GRAMD1B: variants seen among roughly 807,000 people sequenced by gnomAD.
GRAMD1B encodes the protein protein Aster-B.
A neutral mutation model predicts 99.7 loss-of-function variants in GRAMD1B; 37 were observed. The observed-to-expected ratio is 0.37, with a 90% confidence interval of 0.29 to 0.49. The LOEUF (loss-of-function observed/expected upper bound fraction) is 0.49. Among genes scored for constraint, GRAMD1B ranks in the 20% least tolerant of loss-of-function variants. The probability of loss-of-function intolerance (pLI) is 0.98; values close to 1 mark genes in which losing one functional copy is unlikely to be tolerated. For synonymous variants in GRAMD1B, 427 were observed against 387.6 expected (o/e 1.10, Z -1.19); for missense variants, 888 against 1,009.2 (o/e 0.88, Z 1.63).
chr11:123,568,504 G>A (rs934845951), intron 2 of GRAMD1B, among the ~76,000 whole-genome samples: 10 of 152,248 alleles, frequency 6.6e-5, no homozygotes, highest in African/African-American at 2.2e-4. Flanking sequence ...TTTCCCAAAC[G>A]GAGGAGAGGG....
chr11:123,523,420 G>A (rs1371094217), intron 2 of GRAMD1B, among the ~76,000 whole-genome samples: 1 of 152,156 alleles, frequency 6.6e-6, no homozygotes, highest in African/African-American at 2.4e-5. Flanking sequence ...TAACATGGAT[G>A]TGAAGATTAA....
intron 1 of GRAMD1B, among the ~76,000 whole-genome samples, chr11:123,472,466 G>T (rs1019562808): frequency 1.3e-5 from 2 of 152,018 alleles, no homozygotes; most frequent in Non-Finnish European, 2.9e-5. Flanking sequence ...TTGTTGTCTG[G>T]GGTAATACCC....
intron 1 of GRAMD1B, among the ~76,000 whole-genome samples, chr11:123,468,702 T>G (rs1950830405): frequency 6.9e-6 from 1 of 143,894 alleles, no homozygotes; most frequent in African/African-American, 2.6e-5. Context: ...GAGGCCGAGG[T>G]GGGAGGATTG....
At chr11:123,620,095 A>T (rs1399696730) in intron 19 of GRAMD1B, among the ~76,000 whole-genome samples, 2 of 152,228 alleles carry the variant, frequency 1.3e-5, no homozygotes, top group Non-Finnish European at 2.9e-5. Flanking sequence ...GCTTCATGGA[A>T]CTGTCATCAG....
intron 2 of GRAMD1B, among the ~76,000 whole-genome samples, chr11:123,562,864 G>A (rs1946928769): frequency 6.6e-6 from 1 of 152,220 alleles, no homozygotes; most frequent in South Asian, 2.1e-4. Flanking sequence ...TAAAGGAACA[G>A]TGAGCAATTT....
At chr11:123,449,911 C>T (rs984296744) in intron 1 of GRAMD1B, among the ~76,000 whole-genome samples, 17 of 151,928 alleles carry the variant, frequency 1.1e-4, no homozygotes, top group African/African-American at 3.6e-4. Context: ...TTTGTAGAGA[C>T]AGGATCCTGC....
chr11:123,431,243 G>A lies in GRAMD1B; in HGVS notation c.374+77G>A, dbSNP rs1010462792. 4.2e-5 allele frequency: 26 copies of A among 614,260 alleles called. No individual in the cohort carries two copies. The African/African-American group carries it at 4.4e-4, about 10-fold the overall frequency. 38.1% of individuals were successfully genotyped at this position (614,260 alleles called of 1,614,324 possible). A position where few individuals can be genotyped will look rare whatever the true frequency, so the allele number is the denominator to read the frequency against. On this transcript the variant is annotated intron_variant, in intron 1 of 19. Coordinates refer to ENST00000635736, the MANE Select transcript of GRAMD1B (RefSeq NM_001387025.1). ...GCCGTCCAGGGCCCCGGGGCATTCT[G>A]GGGGAAACGTCCTGGGGGAGAACAG...
chr11:123,520,013 G>T (rs1191644228), intron 2 of GRAMD1B, among the ~76,000 whole-genome samples: 1 of 152,358 alleles, frequency 6.6e-6, no homozygotes, highest in African/African-American at 2.4e-5. Flanking sequence ...GCATGCTCTG[G>T]TGACCTCTTA....
At chr11:123,371,160 G>A (rs774593926) in intron 1 of GRAMD1B, among the ~76,000 whole-genome samples, 1 of 151,920 alleles carries the variant, frequency 6.6e-6, no homozygotes, top group African/African-American at 2.4e-5. Context: ...TTAAACTGAC[G>A]CTGGTCTTAT....
At chr11:123,594,920 C>T (rs1592187728) in intron 6 of GRAMD1B, 82 bp downstream of exon 6, 1 of 768,782 alleles carries the variant, frequency 1.3e-6, no homozygotes, top group African/African-American at 1.7e-5. Context: ...CTTTTGCTGA[C>T]TTCATGCTCT....
intron 2 of GRAMD1B, among the ~76,000 whole-genome samples, chr11:123,484,031 T>C (rs1289288941): frequency 6.6e-6 from 1 of 152,166 alleles, no homozygotes; most frequent in Non-Finnish European, 1.5e-5. Context: ...GGCAGTTCTC[T>C]CAGTCCCTGG....
intron 2 of GRAMD1B, among the ~76,000 whole-genome samples, chr11:123,540,654 A>T (rs1709893): frequency 0.015 from 2,283 of 152,270 alleles, 29 homozygotes; most frequent in Non-Finnish European, 0.024. Context: ...ATTAGAAAAT[A>T]TAAAGAGCCA....
At chr11:123,566,709 T>C (rs1357948925) in intron 2 of GRAMD1B, among the ~76,000 whole-genome samples, 1 of 151,258 alleles carries the variant, frequency 6.6e-6, no homozygotes, top group African/African-American at 2.4e-5. Context: ...GAGCTTGCAG[T>C]GAGCCGAGAT....
intron 1 of GRAMD1B, among the ~76,000 whole-genome samples, chr11:123,392,605 C>A (rs1033173296): frequency 6.6e-6 from 1 of 151,982 alleles, no homozygotes; most frequent in Non-Finnish European, 1.5e-5. Context: ...GGGATTCTCT[C>A]CTCCCTTAAT....
At chr11:123,453,524 G>A (rs1005236943) in intron 1 of GRAMD1B, among the ~76,000 whole-genome samples, 4 of 151,938 alleles carry the variant, frequency 2.6e-5, no homozygotes, top group Admixed American at 2.6e-4. Context: ...GCCATGTTGG[G>A]CAGGCTGGTC....
At chr11:123,575,987 TCTC>T (rs777057782) in intron 2 of GRAMD1B, among the ~76,000 whole-genome samples, 1 of 152,042 alleles carries the variant, frequency 6.6e-6, no homozygotes. Flanking sequence ...TTTTCTCTGG[TCTC>T]CTTTTTTTTT....
intron 3 of GRAMD1B, among the ~76,000 whole-genome samples, chr11:123,583,506 C>CT (rs1186143582): frequency 6.6e-6 from 1 of 152,128 alleles, no homozygotes. Context: ...GCGTGTCCAT[C>CT]TATCTTTCAA....
intron 2 of GRAMD1B, among the ~76,000 whole-genome samples, chr11:123,487,901 C>T (rs1204914212): frequency 6.6e-6 from 1 of 152,198 alleles, no homozygotes; most frequent in African/African-American, 2.4e-5. Context: ...GCCACGGCAC[C>T]CAGCTGCCAC....
At chr11:123,516,417 A>G (rs1174778874) in intron 2 of GRAMD1B, among the ~76,000 whole-genome samples, 2 of 152,254 alleles carry the variant, frequency 1.3e-5, no homozygotes, top group African/African-American at 2.4e-5. Context: ...AACTGTTTAA[A>G]GTCGAACTCA....
Sources: gnomAD v4.1 joint callset for allele counts (sites outside exome capture counted in the v4.1 genomes callset) on GRCh38, gnomAD v4.1.1 for gene constraint, MANE v1.5 for transcripts, NCBI Gene and HGNC (gene_info 2026-07-23, HGNC 2026-07-21) for gene names.